The following SLC8A2 variants were observed in gnomAD, a reference collection of about 807,000 sequenced individuals.
SLC8A2 encodes solute carrier family 8 member A2, also known as sodium/calcium exchanger 2.
A neutral mutation model predicts 70.2 loss-of-function variants in SLC8A2; 14 were observed. That is an observed-to-expected ratio of 0.20 (90% CI 0.13 to 0.31). SLC8A2 has a LOEUF of 0.31. Ranked by LOEUF, SLC8A2 falls within the 10% of genes least tolerant of loss-of-function variation. SLC8A2 has a pLI of 1.00. For synonymous variants in SLC8A2, 575 were observed against 594.3 expected (o/e 0.97, Z 0.47); for missense variants, 779 against 1,320.1 (o/e 0.59, Z 6.35).
chr19:47,431,275 C>T (rs1285535398), intron 9 of SLC8A2, among the ~76,000 whole-genome samples: 2 of 152,056 alleles, frequency 1.3e-5, no homozygotes, highest in Non-Finnish European at 2.9e-5. Context: ...GCAATCCTAC[C>T]CCTGCCTTGG....
Position 47,466,215 on chromosome 19 carries a change from C to T in SLC8A2, c.189G>A (p.Pro63=), listed in dbSNP as rs774386420. 1.1e-5 allele frequency: 18 copies of T among 1,609,842 alleles called. No individual in the cohort carries two copies. In the East Asian group the frequency reaches 1.3e-4, roughly 12 times the overall value. The change falls in exon 2 of 10, where the codon CCG becomes CCA. Residue 63 remains proline (P), a synonymous_variant. Transcript: ENST00000236877. The surrounding 1 kb of genome is among the most constrained non-coding windows in gnomAD (Gnocchi z 6.9). The part of the protein sequence containing the change: ...VLLPVWEPDD[P]SLGDKAARAV... ...CCCGTGCCGCCTTGTCACCCAGCGA[C>T]GGGTCGTCGGGCTCCCACACGGGCA...
In SLC8A2 at chr19:47,465,873, G is replaced by A. The variant is rs118059830; in HGVS notation, c.531C>T (p.Ile177=). The part of the protein sequence containing the change: ...GSAAFNMFVV[I]AVCIYVIPAG... ...CTGGGATGACGTAGATGCACACGGC[G>A]ATGACCACAAACATGTTGAAGGCAG... Residue 177 remains isoleucine (I), a synonymous_variant, in exon 2 of 10, where the codon ATC becomes ATT. Transcript: ENST00000236877. This position sits in a 1 kb window ranked among gnomAD's most constrained non-coding sequence, Gnocchi z 5.5. 238 of 1,614,150 alleles carry A rather than the reference G, an allele frequency of 1.5e-4. 1 individual carries two copies. The East Asian group carries it at 1.8e-3, about 12-fold the overall frequency.
At chr19:47,456,415 G>A (rs921050526) in intron 3 of SLC8A2, among the ~76,000 whole-genome samples, 1 of 152,216 alleles carries the variant, frequency 6.6e-6, no homozygotes, top group South Asian at 2.1e-4. Context: ...TGTAATCCCA[G>A]CATTCTGGGA....
intron 2 of SLC8A2, among the ~76,000 whole-genome samples, chr19:47,464,723 C>T (rs1464954036): frequency 6.6e-6 from 1 of 152,212 alleles, no homozygotes; most frequent in Non-Finnish European, 1.5e-5. Context: ...AAATAGATTA[C>T]ACACATGTGT....
In SLC8A2 at chr19:47,448,385, C is replaced by G. The variant is rs1742689975; in HGVS notation, c.1341-154G>C. Among the ~76,000 whole-genome samples the G allele has an allele frequency of 6.6e-6, 1 of 152,080 alleles. No individual in the cohort carries two copies. The highest frequency in any genetic ancestry group is 6.5e-5 in the Admixed American group (1 of 15,272). On this transcript the variant is annotated intron_variant, in intron 3 of 9. Transcript: ENST00000236877. This position sits in a 1 kb window ranked among gnomAD's most constrained non-coding sequence, Gnocchi z 4.8. Reference sequence around the variant, plus strand: ...GTCGACAGGCATTAAACAAGTAATACTGAGGGTGAATCGGGGTGGGCGTCC... The same window carrying G: ...GTCGACAGGCATTAAACAAGTAATAGTGAGGGTGAATCGGGGTGGGCGTCC...
At position 47,447,824 on chromosome 19, in the gene SLC8A2, C is replaced by T. The variant is rs1967186242; in HGVS notation, c.1748G>A (p.Gly583Asp). Residue 583 changes from glycine to aspartate, a missense_variant, in exon 4 of 10, where the codon GGC becomes GAC. Coordinates refer to ENST00000236877, the MANE Select transcript of SLC8A2 (RefSeq NM_015063.3). This position sits in a 1 kb window ranked among gnomAD's most constrained non-coding sequence, Gnocchi z 5.1. Reference protein sequence around the residue: ...YEDACGELEFGDDETMKTLQV... With the variant: ...YEDACGELEFDDDETMKTLQV... ...GCGTGCTCACATGGTCTCGTCGTCG[C>T]CAAACTCCAGCTCTCCGCACGCGTC... 1 of 1,591,646 alleles carries T rather than the reference C, an allele frequency of 6.3e-7. No individual in the cohort carries two copies. Among genetic ancestry groups the T allele is most frequent in the Non-Finnish European group, 8.5e-7 (1 of 1,175,922 alleles).
At chr19:47,463,479 C>G (rs1568447613) in intron 2 of SLC8A2, among the ~76,000 whole-genome samples, 1 of 148,562 alleles carries the variant, frequency 6.7e-6, no homozygotes, top group Non-Finnish European at 1.5e-5. Context: ...CGCCTGTAAT[C>G]CCAGCACTTT....
chr19:47,468,936 GC>G lies in SLC8A2; in HGVS notation c.-16-2518del, dbSNP rs1343675973. 6.6e-6 allele frequency among the ~76,000 whole-genome samples: 1 copy of G among 152,112 alleles called. No homozygotes were observed. The highest frequency in any genetic ancestry group is 2.4e-5 in the African/African-American group (1 of 41,410). On this transcript the variant is annotated intron_variant, in intron 1 of 9. Transcript: ENST00000236877. This position sits in a 1 kb window ranked among gnomAD's most constrained non-coding sequence, Gnocchi z 5.1. The stretch of plus-strand genomic sequence containing the variant: ...ACCCTCCCAGACCCCTCTGCCACCA[GC>G]CTCATTTCTTCCAGGGGCTTCCATT...
chr19:47,447,669 C>T lies in SLC8A2; in HGVS notation c.1763+140G>A, dbSNP rs1967182739. ...CGCCCACGTTGCGGGCACGGCCACG[C>T]AGGCCCCTCCCCTCCCGAGGCCCAA... On this transcript the variant is annotated intron_variant, in intron 4 of 9. Coordinates refer to ENST00000236877, the MANE Select transcript of SLC8A2 (RefSeq NM_015063.3). The surrounding 1 kb of genome is among the most constrained non-coding windows in gnomAD (Gnocchi z 5.1). The T allele has an allele frequency of 5.8e-6, 5 of 868,500 alleles. No homozygotes were observed. The highest frequency in any genetic ancestry group is 1.9e-5 in the South Asian group (1 of 51,972). 53.8% of individuals were successfully genotyped at this position (868,500 alleles called of 1,614,324 possible).
chr19:47,459,228 GTCTCTGCCTCTCTCCATCGC>G (rs1253244192), intron 2 of SLC8A2, among the ~76,000 whole-genome samples: 1 of 150,544 alleles, frequency 6.6e-6, no homozygotes, highest in Non-Finnish European at 1.5e-5. Context: ...GTCCCTGTTC[GTCTCTGCCTCTCTCCATCGC>G]TCTCTGCGTG....
intron 1 of SLC8A2, among the ~76,000 whole-genome samples, chr19:47,470,945 G>A (rs1317958681): frequency 6.6e-6 from 1 of 151,978 alleles, no homozygotes; most frequent in Non-Finnish European, 1.5e-5. Flanking sequence ...TCCAGGCCTG[G>A]GGGAGCCCAC....
chr19:47,456,660 A>G (rs1448149664), intron 3 of SLC8A2, among the ~76,000 whole-genome samples: 1 of 152,210 alleles, frequency 6.6e-6, no homozygotes, highest in African/African-American at 2.4e-5. Flanking sequence ...GTGAGACTCT[A>G]TCTCAAACAA....
At position 47,429,176 on chromosome 19, in the gene SLC8A2, T is replaced by A. The variant is rs1396992348; in HGVS notation, c.*913A>T. 1 of 152,570 alleles carries A rather than the reference T, an allele frequency of 6.6e-6. No homozygotes were observed. Among genetic ancestry groups the A allele is most frequent in the Non-Finnish European group, 1.5e-5 (1 of 68,090 alleles). 9.5% of individuals were successfully genotyped at this position (152,570 alleles called of 1,614,324 possible). A position where few individuals can be genotyped will look rare whatever the true frequency, so the allele number is the denominator to read the frequency against. The stretch of plus-strand genomic sequence containing the variant: ...GGGAGATCAACTGGACTCGCTTTGA[T>A]TCCCGGCCTCCTCCCCAAAGCTGGT... On this transcript the variant is annotated 3_prime_UTR_variant, in exon 10 of 10. Transcript: ENST00000236877.
chr19:47,435,700 C>T (rs976299049), intron 8 of SLC8A2, among the ~76,000 whole-genome samples: 37 of 152,160 alleles, frequency 2.4e-4, no homozygotes, highest in Admixed American at 2.4e-3. Context: ...AGGCGCAGGC[C>T]ACCATGCCCG....
chr19:47,436,857 G>A (rs879680010), intron 8 of SLC8A2, among the ~76,000 whole-genome samples: 10 of 152,132 alleles, frequency 6.6e-5, no homozygotes, highest in African/African-American at 9.7e-5. Context: ...GGTGACCCGC[G>A]CAGGTAGGAA....
intron 3 of SLC8A2, among the ~76,000 whole-genome samples, chr19:47,454,826 C>T (rs1218123134): frequency 6.6e-6 from 1 of 152,210 alleles, no homozygotes; most frequent in East Asian, 1.9e-4. Context: ...TGGCTCACGC[C>T]TGTAGTCCCA....
intron 2 of SLC8A2, among the ~76,000 whole-genome samples, chr19:47,464,323 G>A (rs924665407): frequency 1.3e-5 from 2 of 152,026 alleles, no homozygotes; most frequent in African/African-American, 4.8e-5. Context: ...TGTTGGCCAG[G>A]CTGGTCTCGA....
intron 6 of SLC8A2, among the ~76,000 whole-genome samples, chr19:47,438,720 T>G (rs1967062106): frequency 6.6e-6 from 1 of 152,086 alleles, no homozygotes; most frequent in African/African-American, 2.4e-5. Flanking sequence ...CAGCCCTGGA[T>G]CTGACCTCAG....
chr19:47,444,535 C>T (rs1967136478), intron 4 of SLC8A2, among the ~76,000 whole-genome samples: 1 of 152,184 alleles, frequency 6.6e-6, no homozygotes, highest in Non-Finnish European at 1.5e-5. Context: ...GGGAGGGTCT[C>T]CCGAGACATG....
Sources: allele counts gnomAD v4.1 joint callset (sites outside exome capture counted in the v4.1 genomes callset), GRCh38; gene constraint gnomAD v4.1.1; non-coding constraint Gnocchi (gnomAD v3.1); transcripts MANE v1.5; gene names NCBI Gene and HGNC (gene_info 2026-07-23, HGNC 2026-07-21).